The following RIMS1 variants were observed in gnomAD, a reference collection of about 807,000 sequenced individuals.
RIMS1 encodes regulating synaptic membrane exocytosis 1.
In RIMS1, 83 loss-of-function variants were observed where a neutral mutation model predicts 214.1. That is an observed-to-expected ratio of 0.39 (90% CI 0.32 to 0.47). The LOEUF (loss-of-function observed/expected upper bound fraction) is 0.47, where lower values mean the gene tolerates loss of function less well. RIMS1 is among the 20% of genes least tolerant of loss of function. The pLI is 0.99. For missense variants in RIMS1, 2,050 were observed against 2,161.8 expected, an observed-to-expected ratio of 0.95 and a Z score of 1.03; for synonymous variants, 793 against 786.8, an observed-to-expected ratio of 1.01 and a Z score of -0.13.
At chr6:72,118,962 A>G (rs2037651807) in intron 4 of RIMS1, among the ~76,000 whole-genome samples, 1 of 151,756 alleles carries the variant, frequency 6.6e-6, no homozygotes, top group Admixed American at 6.6e-5. Flanking sequence ...TCATACTGGA[A>G]GTCCTGGCCA....
At chr6:72,315,013 A>G (rs1214916871) in intron 28 of RIMS1, among the ~76,000 whole-genome samples, 1 of 152,190 alleles carries the variant, frequency 6.6e-6, no homozygotes, top group East Asian at 1.9e-4. Flanking sequence ...TTTCAGAAGT[A>G]GGATTCTTCA....
intron 6 of RIMS1, among the ~76,000 whole-genome samples, chr6:72,196,044 A>G (rs2050803394): frequency 6.6e-6 from 1 of 152,062 alleles, no homozygotes; most frequent in South Asian, 2.1e-4. Context: ...CTCTATTGAT[A>G]CATGTGGATC....
At chr6:72,312,127 G>A (rs1352247405) in intron 27 of RIMS1, among the ~76,000 whole-genome samples, 1 of 152,086 alleles carries the variant, frequency 6.6e-6, no homozygotes, top group Admixed American at 6.6e-5. Flanking sequence ...TGTAGCATCA[G>A]TTAATTTAGT....
At chr6:71,983,622 T>A (rs1390593239) in intron 2 of RIMS1, among the ~76,000 whole-genome samples, 1 of 152,208 alleles carries the variant, frequency 6.6e-6, no homozygotes, top group African/African-American at 2.4e-5. Flanking sequence ...TGTTGCAGAA[T>A]ACACAACAAG....
At chr6:71,907,355 A>G (rs1775547002) in intron 1 of RIMS1, among the ~76,000 whole-genome samples, 1 of 152,190 alleles carries the variant, frequency 6.6e-6, no homozygotes, top group Non-Finnish European at 1.5e-5. Context: ...CCAACTAGGA[A>G]AACTCACTGT....
chr6:72,361,297 G>A (rs2097815585), intron 29 of RIMS1, among the ~76,000 whole-genome samples: 1 of 151,254 alleles, frequency 6.6e-6, no homozygotes, highest in East Asian at 2.0e-4. Flanking sequence ...GTAGAGACGG[G>A]GTTTCACCAT....
intron 2 of RIMS1, among the ~76,000 whole-genome samples, chr6:72,077,090 G>T (rs1401909372): frequency 2.0e-5 from 3 of 152,074 alleles, no homozygotes; most frequent in Non-Finnish European, 2.9e-5. Context: ...CCTTTGCACG[G>T]GCTGCTCCAT....
intron 2 of RIMS1, among the ~76,000 whole-genome samples, chr6:71,976,613 A>G (rs1279238089): frequency 1.3e-5 from 2 of 151,856 alleles, no homozygotes; most frequent in Admixed American, 1.3e-4. Flanking sequence ...TAATTGATCT[A>G]TTTTTTCTTT....
chr6:72,401,888 T>C lies in RIMS1; in HGVS notation c.*1174T>C, dbSNP rs544970440. 1 of 152,812 alleles carries C rather than the reference T, an allele frequency of 6.5e-6. No homozygotes were observed. Among genetic ancestry groups the C allele is most frequent in the African/African-American group, 2.4e-5 (1 of 41,596 alleles). The allele number at this position is 152,812 out of a possible 1,614,324, so 9.5% of individuals were successfully genotyped here. The stretch of plus-strand genomic sequence containing the variant: ...AATTTTAGTTTACATTTCTTTGAGA[T>C]TGATGCAAGCACAAAGCTTGATTTT... On this transcript the variant is annotated 3_prime_UTR_variant, in exon 34 of 34. Coordinates refer to ENST00000521978, the MANE Select transcript of RIMS1 (RefSeq NM_014989.7).
rs1004285154 is a variant in RIMS1 at position 72,333,649 on chromosome 6, T to C, written c.4180T>C (p.Ser1394Pro). The change falls in exon 29 of 34, where the codon TCC (serine) becomes CCC (proline). Residue 1394 changes from serine (S) to proline (P), a missense_variant. Ser to Pro is a moderately conservative substitution (Grantham distance 74). This residue lies in a region of RIMS1 where 889 missense variants were observed against 885.5 expected (regional missense o/e 1.00). Coordinates refer to ENST00000521978, the MANE Select transcript of RIMS1 (RefSeq NM_014989.7). Reference sequence around the variant, plus strand: ...CAGACGGATGGGGACTTCAGGAAGATCCATCATGAAGAGCACCAGTGTCAG... The same window carrying C: ...CAGACGGATGGGGACTTCAGGAAGACCCATCATGAAGAGCACCAGTGTCAG... ...QGRRMGTSGRSIMKSTSVSGE... is the reference protein window; with the variant it reads ...QGRRMGTSGRPIMKSTSVSGE... 6.3e-7 allele frequency: 1 copy of C among 1,598,040 alleles called. No individual in the cohort carries two copies. The highest frequency in any genetic ancestry group is 1.3e-5 in the African/African-American group (1 of 74,618).
At position 72,401,386 on chromosome 6, in the gene RIMS1, T is replaced by C. The variant is rs1748702384; in HGVS notation, c.*672T>C. ...AAGCCAAGGAAGGGTTTCACTAGCT[T>C]TCATTTTATAATTATTTAAAGTCTT... On this transcript the variant is annotated 3_prime_UTR_variant, in exon 34 of 34. Coordinates refer to ENST00000521978, the MANE Select transcript of RIMS1 (RefSeq NM_014989.7). The C allele has an allele frequency of 2.0e-5, 3 of 152,588 alleles. No individual in the cohort carries two copies. The allele number at this position is 152,588 out of a possible 1,614,324, so 9.5% of individuals were successfully genotyped here. A position where few individuals can be genotyped will look rare whatever the true frequency, so the allele number is the denominator to read the frequency against.
chr6:71,929,369 G>A (rs1782426021), intron 1 of RIMS1, among the ~76,000 whole-genome samples: 1 of 152,066 alleles, frequency 6.6e-6, no homozygotes, highest in Admixed American at 6.6e-5. Context: ...CTTTTATTTT[G>A]TATTTTTAAA....
At chr6:72,334,079 C>A (rs1398547612) in intron 29 of RIMS1, among the ~76,000 whole-genome samples, 1 of 151,698 alleles carries the variant, frequency 6.6e-6, no homozygotes, top group Non-Finnish European at 1.5e-5. Context: ...AAATTAAGGT[C>A]ATATTTGCAA....
intron 4 of RIMS1, among the ~76,000 whole-genome samples, chr6:72,129,127 T>C (rs2040054453): frequency 6.6e-6 from 1 of 152,192 alleles, no homozygotes; most frequent in Non-Finnish European, 1.5e-5. Flanking sequence ...AGGAAGCCTG[T>C]GTCTTTTTAT....
intron 28 of RIMS1, among the ~76,000 whole-genome samples, chr6:72,331,839 TTTA>T (rs2096669915): frequency 6.6e-6 from 1 of 151,858 alleles, no homozygotes; most frequent in East Asian, 1.9e-4. Flanking sequence ...ATAAGAATCA[TTTA>T]TTATTATCAG....
chr6:71,890,984 T>C (rs570139685), intron 1 of RIMS1, among the ~76,000 whole-genome samples: 52 of 152,328 alleles, frequency 3.4e-4, no homozygotes, highest in African/African-American at 1.2e-3. Context: ...TCCCGTACAC[T>C]ACACTGTCTT....
intron 4 of RIMS1, among the ~76,000 whole-genome samples, chr6:72,115,506 T>A (rs1283353687): frequency 6.6e-6 from 1 of 151,988 alleles, no homozygotes; most frequent in Non-Finnish European, 1.5e-5. Context: ...AGACTTTTGG[T>A]TAATGCATTA....
intron 23 of RIMS1, among the ~76,000 whole-genome samples, chr6:72,278,066 A>G (rs1178882231): frequency 6.6e-6 from 1 of 152,130 alleles, no homozygotes; most frequent in Non-Finnish European, 1.5e-5. Flanking sequence ...TTCATTGGGT[A>G]CATTTTGAGG....
intron 29 of RIMS1, among the ~76,000 whole-genome samples, chr6:72,378,061 A>G (rs569670377): frequency 1.3e-5 from 2 of 152,234 alleles, no homozygotes; most frequent in Non-Finnish European, 2.9e-5. Context: ...AGGTACATTG[A>G]GTCCCCCAAC....
Sources: allele counts gnomAD v4.1 joint callset (sites outside exome capture counted in the v4.1 genomes callset), GRCh38; gene constraint gnomAD v4.1.1; regional missense constraint gnomAD v4.1.1; transcripts MANE v1.5; gene names NCBI Gene and HGNC (gene_info 2026-07-23, HGNC 2026-07-21).